Variants in AKR1E2 observed in about 807,000 individuals in gnomAD.
AKR1E2 encodes the protein 1,5-anhydro-D-fructose reductase.
AKR1E2 carries 43 observed loss-of-function variants against 41.9 expected under a neutral mutation model. The ratio of observed to expected loss-of-function variants is 1.03; its 90% CI spans 0.80 to 1.32. The LOEUF (loss-of-function observed/expected upper bound fraction) is 1.32, where lower values mean the gene tolerates loss of function less well. Among genes scored for constraint, AKR1E2 ranks in the 40% most tolerant of loss-of-function variants. The pLI is 0.00. For synonymous variants in AKR1E2, 121 were observed against 138.9 expected (o/e 0.87, Z 0.91); for missense variants, 423 against 396.5 (o/e 1.07, Z -0.57).
chr10:4,828,475 G>A (rs562777640), intron 1 of AKR1E2, among the ~76,000 whole-genome samples: 22 of 152,180 alleles, frequency 1.4e-4, no homozygotes, highest in Non-Finnish European at 2.8e-4. Flanking sequence ...CCCTGCTGTT[G>A]TAGATTTACA....
At chr10:4,858,823 AT>A in the AKR1E2 span, among the ~76,000 whole-genome samples, 4,713 of 131,904 alleles carry the variant, frequency 0.036, 109 homozygotes, top group East Asian at 0.066. Context: ...AGGAATTTGG[AT>A]TTTTTTTTTT....
At chr10:4,831,913 T>TGAGGCA (rs1268133420) in intron 2 of AKR1E2, among the ~76,000 whole-genome samples, 14 of 152,142 alleles carry the variant, frequency 9.2e-5, no homozygotes, top group African/African-American at 2.4e-5. Flanking sequence ...AGCTTGCATT[T>TGAGGCA]GAGGCAGAGG....
intron 7 of AKR1E2, 92 bp downstream of exon 7, chr10:4,841,949 G>T: frequency 8.4e-7 from 1 of 1,195,064 alleles, no homozygotes; most frequent in Non-Finnish European, 1.2e-6. Flanking sequence ...CCCAGGAAGG[G>T]ACTGGCTCAC....
intron 7 of AKR1E2, 130 bp downstream of exon 7, chr10:4,841,987 C>T (rs1004581329): frequency 1.4e-6 from 1 of 717,250 alleles, no homozygotes; most frequent in Non-Finnish European, 2.2e-6. Flanking sequence ...TCATTAGAAC[C>T]TCCCAGCGTC....
At chr10:4,852,200 C>CT (rs2131583554), downstream of AKR1E2, among the ~76,000 whole-genome samples, 1 of 152,278 alleles carries the variant, frequency 6.6e-6, no homozygotes, top group East Asian at 1.9e-4. Context: ...CCATTATATG[C>CT]TTAATTTACT....
At chr10:4,845,429 C>G (rs1245729667) in intron 8 of AKR1E2, among the ~76,000 whole-genome samples, 1 of 151,540 alleles carries the variant, frequency 6.6e-6, no homozygotes. Flanking sequence ...GCAGAGGAGG[C>G]CCGGAGAGCT....
At chr10:4,863,726 A>AAATCAAT in the AKR1E2 span, among the ~76,000 whole-genome samples, 380 of 149,496 alleles carry the variant, frequency 2.5e-3, no homozygotes, top group Middle Eastern at 3.5e-3. Context: ...AGACTAATAA[A>AAATCAAT]GAAGAAAAGA....
the AKR1E2 span, among the ~76,000 whole-genome samples, chr10:4,867,210 C>T: frequency 0.22 from 33,220 of 152,098 alleles, 3,827 homozygotes; most frequent in Middle Eastern, 0.33. Flanking sequence ...AGTTAGATCT[C>T]TTTCACTGTC....
At chr10:4,842,780 T>C (rs1241322269) in intron 8 of AKR1E2, among the ~76,000 whole-genome samples, 1 of 152,126 alleles carries the variant, frequency 6.6e-6, no homozygotes, top group East Asian at 1.9e-4. Flanking sequence ...ATGATTTGTG[T>C]GGGCCAGGCT....
Position 4,826,256 on chromosome 10 carries a change from G to A in AKR1E2, c.-69G>A. 8.3e-7 allele frequency: 1 copy of A among 1,201,820 alleles called. No homozygotes were observed. The highest frequency in any genetic ancestry group is 1.0e-6 in the Non-Finnish European group (1 of 959,934). The allele number at this position is 1,201,820 out of a possible 1,614,324, so 74.4% of individuals were successfully genotyped here. A position where few individuals can be genotyped will look rare whatever the true frequency, so the allele number is the denominator to read the frequency against. On this transcript the variant is annotated 5_prime_UTR_variant, in exon 1 of 10. Transcript: ENST00000298375. ...GCAACGGCGGGTCGCCAGCGCCGCA[G>A]TAGCTCGCGCGGTGCCTGTCGGTAG...
At chr10:4,852,745 T>G (rs4347286), downstream of AKR1E2, among the ~76,000 whole-genome samples, 135,652 of 152,184 alleles carry the variant, frequency 0.89, 61,354 homozygotes, top group East Asian at 0.98. Flanking sequence ...TTTTGTTGTT[T>G]TTGTTCTAAA....
the AKR1E2 span, among the ~76,000 whole-genome samples, chr10:4,856,857 T>C: frequency 6.6e-6 from 1 of 152,208 alleles, no homozygotes; most frequent in Non-Finnish European, 1.5e-5. Flanking sequence ...CTTTAGAAGA[T>C]GGTTTATAAT....
At chr10:4,841,072 A>C (rs927232600) in intron 6 of AKR1E2, among the ~76,000 whole-genome samples, 1 of 152,196 alleles carries the variant, frequency 6.6e-6, no homozygotes, top group African/African-American at 2.4e-5. Flanking sequence ...GGCTGGGTCC[A>C]TTCCACAGCT....
intron 8 of AKR1E2, chr10:4,845,992 G>A (rs1429208012): frequency 1.5e-5 from 6 of 408,140 alleles, no homozygotes; most frequent in Non-Finnish European, 2.0e-5. Context: ...TCCAGTGCAG[G>A]GGGCTGCCCC....
At chr10:4,858,547 A>G in the AKR1E2 span, among the ~76,000 whole-genome samples, 45 of 152,354 alleles carry the variant, frequency 3.0e-4, no homozygotes, top group African/African-American at 9.4e-4. Flanking sequence ...AGAACTACAG[A>G]GAGAAAGTGT....
intron 1 of AKR1E2, among the ~76,000 whole-genome samples, chr10:4,828,155 C>A (rs2131486933): frequency 6.6e-6 from 1 of 152,340 alleles, no homozygotes; most frequent in Admixed American, 6.5e-5. Context: ...TGTACAGCAG[C>A]AAGTGTATTC....
chr10:4,858,980 C>T, the AKR1E2 span, among the ~76,000 whole-genome samples: 6 of 151,842 alleles, frequency 4.0e-5, no homozygotes, highest in African/African-American at 7.3e-5. Flanking sequence ...TCCACCACCA[C>T]GACCAGCTAA....
Position 4,826,255 on chromosome 10 carries a change from A to T in AKR1E2, c.-70A>T. 8.4e-7 allele frequency: 1 copy of T among 1,194,520 alleles called. No individual in the cohort carries two copies. The highest frequency in any genetic ancestry group is 1.0e-6 in the Non-Finnish European group (1 of 953,384). The allele number at this position is 1,194,520 out of a possible 1,614,324, so 74.0% of individuals were successfully genotyped here. On this transcript the variant is annotated 5_prime_UTR_variant, in exon 1 of 10. Transcript: ENST00000298375. ...CGCAACGGCGGGTCGCCAGCGCCGC[A>T]GTAGCTCGCGCGGTGCCTGTCGGTA...
intron 8 of AKR1E2, chr10:4,846,324 T>A: frequency 1.2e-5 from 2 of 173,248 alleles, no homozygotes; most frequent in Non-Finnish European, 2.5e-5. Context: ...ATGGGTCCTG[T>A]TCCTCAGTGT....
Sources: gnomAD v4.1 joint callset for allele counts (sites outside exome capture counted in the v4.1 genomes callset) on GRCh38, gnomAD v4.1.1 for gene constraint, MANE v1.5 for transcripts, NCBI Gene and HGNC (gene_info 2026-07-23, HGNC 2026-07-21) for gene names.